Variants in HECTD4 observed in about 807,000 individuals in gnomAD.
HECTD4 encodes HECT domain E3 ubiquitin protein ligase 4.
Under a neutral mutation model 471.5 loss-of-function variants are expected in HECTD4, and 114 were observed. The observed-to-expected ratio is 0.24, with a 90% CI of 0.21 to 0.28. HECTD4 has a LOEUF of 0.28. Among genes scored for constraint, HECTD4 ranks in the 10% least tolerant of loss-of-function variants. HECTD4 has a pLI of 1.00. For synonymous variants in HECTD4, 2,012 were observed against 2,256.0 expected (o/e 0.89, Z 3.07); for missense variants, 3,866 against 5,651.5 (o/e 0.68, Z 10.13).
chr12:112,221,927 C>A (rs1264700661), intron 44 of HECTD4, among the ~76,000 whole-genome samples: 3 of 134,522 alleles, frequency 2.2e-5, no homozygotes, highest in Non-Finnish European at 3.2e-5. Flanking sequence ...GCTGATTTTT[C>A]TTTTTTTTTT....
chr12:112,167,589 G>T (rs994257562), intron 71 of HECTD4, 51 bp from the exon 72 acceptor site: 1 of 1,385,540 alleles, frequency 7.2e-7, no homozygotes, highest in Non-Finnish European at 9.9e-7. Context: ...CTCTGTGCCC[G>T]CCAGGGAACA....
At position 112,250,009 on chromosome 12, in the gene HECTD4, A is replaced by G. The variant is rs2135587930; in HGVS notation, c.3950+135T>C. 5.5e-6 allele frequency: 4 copies of G among 722,512 alleles called. No homozygotes were observed. The South Asian group carries it at 5.6e-5, about 10-fold the overall frequency. The allele number at this position is 722,512 out of a possible 1,614,324, so 44.8% of individuals were successfully genotyped here. A position where few individuals can be genotyped will look rare whatever the true frequency, so the allele number is the denominator to read the frequency against. On this transcript the variant is annotated intron_variant, in intron 25 of 75. Coordinates refer to ENST00000682272, the MANE Select transcript of HECTD4 (RefSeq NM_001388303.1). ...ACTGCCTGGTGGGCCCTCTAGACTC[A>G]GTTAATTTTAACATTCATGGAGTAA...
At chr12:112,366,029 G>C (rs1290768345) in intron 1 of HECTD4, among the ~76,000 whole-genome samples, 2 of 152,104 alleles carry the variant, frequency 1.3e-5, no homozygotes, top group Non-Finnish European at 2.9e-5. Context: ...ACCCGCCTCA[G>C]CCTCCCAAAG....
At chr12:112,256,018 G>C (rs774009025) in intron 21 of HECTD4, among the ~76,000 whole-genome samples, 1 of 152,126 alleles carries the variant, frequency 6.6e-6, no homozygotes, top group Non-Finnish European at 1.5e-5. Context: ...GGGAGGGCAG[G>C]GGGTAAGCAG....
Position 112,293,354 on chromosome 12 carries a change from G to A in HECTD4, c.1336-10052C>T, listed in dbSNP as rs1414114790. Among the ~76,000 whole-genome samples the A allele has an allele frequency of 1.8e-4, 25 of 136,924 alleles. No homozygotes were observed. In the South Asian group the frequency reaches 5.5e-3, roughly 30 times the overall value. 89.8% of individuals were successfully genotyped at this position (136,924 alleles called of 152,430 possible). A position where few individuals can be genotyped will look rare whatever the true frequency, so the allele number is the denominator to read the frequency against. Reference sequence around the variant, plus strand: ...CACTCCAGCCTGGGCAACAGAGCAAGACTCTGTCTCAAAAAAAAAAAAAAA... The same window carrying A: ...CACTCCAGCCTGGGCAACAGAGCAAAACTCTGTCTCAAAAAAAAAAAAAAA... On this transcript the variant is annotated intron_variant, in intron 7 of 75. Coordinates refer to ENST00000682272, the MANE Select transcript of HECTD4 (RefSeq NM_001388303.1).
At chr12:112,273,110 GT>G (rs1218653443) in intron 11 of HECTD4, among the ~76,000 whole-genome samples, 1 of 152,154 alleles carries the variant, frequency 6.6e-6, no homozygotes, top group African/African-American at 2.4e-5. Flanking sequence ...CCTGGAAATG[GT>G]TGTTTTTGAT....
intron 4 of HECTD4, among the ~76,000 whole-genome samples, chr12:112,310,197 T>C (rs2035345956): frequency 6.6e-6 from 1 of 152,128 alleles, no homozygotes; most frequent in African/African-American, 2.4e-5. Context: ...TAGAGGTAAA[T>C]ACATCTATAC....
In HECTD4 at chr12:112,190,799, C is replaced by A. The variant is rs1247307235; in HGVS notation, c.9459G>T (p.Val3153=). The A allele has an allele frequency of 6.3e-7, 1 of 1,583,900 alleles. No individual in the cohort carries two copies. Among genetic ancestry groups the A allele is most frequent in the South Asian group, 1.2e-5 (1 of 85,972 alleles). The part of the protein sequence containing the change: ...DTIPTSVLLQ[V]VELLGNFLWT... ...AGGCAGCCTCACCTAGCAGCTCCAC[C>A]ACCTGCAGGAGGACGGATGTCGGAA... Residue 3153 remains valine (V), a synonymous_variant, in exon 60 of 76, where the codon GTG becomes GTT. Coordinates refer to ENST00000682272, the MANE Select transcript of HECTD4 (RefSeq NM_001388303.1).
At chr12:112,376,406 C>G (rs1251250824) in intron 1 of HECTD4, among the ~76,000 whole-genome samples, 1 of 152,068 alleles carries the variant, frequency 6.6e-6, no homozygotes, top group East Asian at 1.9e-4. Context: ...GCCACCACGC[C>G]CGGCTAATTT....
In HECTD4 at chr12:112,180,544, AC is replaced by A. The variant is rs1229249050; in HGVS notation, c.10988-1148del. Among the ~76,000 whole-genome samples, 6 of 151,538 alleles carry A rather than the reference AC, an allele frequency of 4.0e-5. No homozygotes were observed. The East Asian group carries it at 1.2e-3, about 29-fold the overall frequency. ...AGTGAGACTGTTTAAAAAAAAAAAAACAACAACAACAAAAAAAAGGAAACAA... is the reference window on the plus strand; with the variant it reads ...AGTGAGACTGTTTAAAAAAAAAAAAAAACAACAACAAAAAAAAGGAAACAA... On this transcript the variant is annotated intron_variant, in intron 62 of 75. Transcript: ENST00000682272.
intron 1 of HECTD4, among the ~76,000 whole-genome samples, chr12:112,380,946 G>T (rs2036875602): frequency 6.6e-6 from 1 of 152,144 alleles, no homozygotes; most frequent in African/African-American, 2.4e-5. Context: ...ATAGCCAGAA[G>T]ATAGGCCATC....
Position 112,332,503 on chromosome 12 carries a change from T to A in HECTD4, c.178-12761A>T, listed in dbSNP as rs1594051989. 4.3e-5 allele frequency among the ~76,000 whole-genome samples: 6 copies of A among 139,060 alleles called. No homozygotes were observed. In the South Asian group the frequency reaches 6.8e-4, roughly 16 times the overall value. The allele number at this position is 139,060 out of a possible 152,430, so 91.2% of individuals were successfully genotyped here. ...TTGCAGTGAGCCAAGATTGTGCCAC[T>A]GCACTCCAGCCTGGGTGACAGATTA... On this transcript the variant is annotated intron_variant, in intron 1 of 75. Coordinates refer to ENST00000682272, the MANE Select transcript of HECTD4 (RefSeq NM_001388303.1).
chr12:112,229,979 T>A, intron 40 of HECTD4, 99 bp from the exon 41 acceptor site: 1 of 1,116,720 alleles, frequency 9.0e-7, no homozygotes, highest in Non-Finnish European at 1.3e-6. Context: ...GTCCCATGTA[T>A]TGAAGGAACT....
intron 18 of HECTD4, 128 bp from the exon 19 acceptor site, chr12:112,259,393 G>T: frequency 1.1e-6 from 1 of 897,948 alleles, no homozygotes; most frequent in Non-Finnish European, 1.7e-6. Context: ...CACTTTCAGC[G>T]ATAGCAATTC....
chr12:112,192,673 G>A lies in HECTD4; in HGVS notation c.9179C>T (p.Ala3060Val). 1 of 1,604,752 alleles carries A rather than the reference G, an allele frequency of 6.2e-7. No individual in the cohort carries two copies. Among genetic ancestry groups the A allele is most frequent in the Non-Finnish European group, 8.5e-7 (1 of 1,176,078 alleles). Reference protein sequence around the residue: ...KRNGQLNLIEAACYPRDASPA... With the variant: ...KRNGQLNLIEVACYPRDASPA... ...GGACGCGTCCCGCGGGTAACAGGCG[G>A]CCTCGATGAGGTTCAGCTGGCCATT... Residue 3060 changes from alanine (A) to valine (V), a missense_variant, in exon 59 of 76, where the codon GCC becomes GTC. By Grantham distance (64) the Ala-to-Val change is moderately conservative (BLOSUM62 0). This residue lies in a region of HECTD4 where 364 missense variants were observed against 413.2 expected (regional missense o/e 0.88). Coordinates refer to ENST00000682272, the MANE Select transcript of HECTD4 (RefSeq NM_001388303.1).
chr12:112,217,294 T>C (rs1038239824), intron 45 of HECTD4, 99 bp from the exon 46 acceptor site: 2 of 828,942 alleles, frequency 2.4e-6, no homozygotes, highest in Non-Finnish European at 3.6e-6. Flanking sequence ...TATTAAAATA[T>C]AGGCATACAC....
chr12:112,375,268 T>C (rs530672949), intron 1 of HECTD4, among the ~76,000 whole-genome samples: 46 of 152,250 alleles, frequency 3.0e-4, no homozygotes, highest in Non-Finnish European at 6.3e-4. Flanking sequence ...TGTATGGATG[T>C]ACCACATTTG....
In HECTD4 at chr12:112,355,330, C is replaced by T. The variant is rs184532869; in HGVS notation, c.177+26622G>A. Among the ~76,000 whole-genome samples the T allele has an allele frequency of 7.0e-3, 1,043 of 148,906 alleles. 8 individuals are homozygous for T. Among genetic ancestry groups the T allele is most frequent in the South Asian group, 9.2e-3 (43 of 4,654 alleles). The stretch of plus-strand genomic sequence containing the variant: ...AAAATTGTGGGCCAGGCACGGTGGC[C>T]GACACCTGTAATCCCAGCTACTCGG... On this transcript the variant is annotated intron_variant, in intron 1 of 75. Coordinates refer to ENST00000682272, the MANE Select transcript of HECTD4 (RefSeq NM_001388303.1).
Position 112,188,433 on chromosome 12 carries a change from G to C in HECTD4, c.9472+2353C>G, listed in dbSNP as rs955330932. Among the ~76,000 whole-genome samples, 2 of 152,162 alleles carry C rather than the reference G, an allele frequency of 1.3e-5. No homozygotes were observed. Among genetic ancestry groups the C allele is most frequent in the African/African-American group, 4.8e-5 (2 of 41,422 alleles). ...AGATGGACCACACGTTTGTGCCAAGGTCTCCTTCATACCAGAGGCATATCT... is the reference window on the plus strand; with the variant it reads ...AGATGGACCACACGTTTGTGCCAAGCTCTCCTTCATACCAGAGGCATATCT... On this transcript the variant is annotated intron_variant, in intron 60 of 75. Transcript: ENST00000682272. The surrounding 1 kb of genome is among the most constrained non-coding windows in gnomAD (Gnocchi z 4.2).
Sources: gnomAD v4.1 joint callset for allele counts (sites outside exome capture counted in the v4.1 genomes callset) on GRCh38, gnomAD v4.1.1 for gene constraint, gnomAD v4.1.1 regional missense constraint, Gnocchi (gnomAD v3.1) non-coding constraint, MANE v1.5 for transcripts, NCBI Gene and HGNC (gene_info 2026-07-23, HGNC 2026-07-21) for gene names.